EIF3L: variants seen among roughly 807,000 people sequenced by gnomAD.
EIF3L encodes eukaryotic translation initiation factor 3 subunit L.
A neutral mutation model predicts 74.6 loss-of-function variants in EIF3L; 32 were observed. That is an observed-to-expected ratio of 0.43 (90% CI 0.32 to 0.58). The LOEUF (loss-of-function observed/expected upper bound fraction) is 0.58, where lower values mean the gene tolerates loss of function less well. Ranked by LOEUF, EIF3L falls within the 20% of genes least tolerant of loss-of-function variation. The pLI is 0.06. For missense variants in EIF3L, 474 were observed against 707.8 expected, an observed-to-expected ratio of 0.67 and a Z score of 3.75; for synonymous variants, 256 against 254.4, an observed-to-expected ratio of 1.01 and a Z score of -0.06.
In EIF3L at chr22:37,880,288, A is replaced by AT. The variant is rs527518197; in HGVS notation, c.1575+2123dup. The AT allele has an allele frequency of 4.7e-5, 7 of 148,144 alleles. No homozygotes were observed. In the Admixed American group the frequency reaches 4.8e-4, roughly 10 times the overall value. 9.2% of individuals were successfully genotyped at this position (148,144 alleles called of 1,614,324 possible). ...CCACCACACCTGGCTAATTTTTTGT[A>AT]TTTTTTAGTAGAGACGGGGTTTCAC... On this transcript the variant is annotated intron_variant, in intron 11 of 12. Coordinates refer to ENST00000652021, the MANE Select transcript of EIF3L (RefSeq NM_016091.4).
intron 8 of EIF3L, 30 bp downstream of exon 8, chr22:37,870,377 T>C (rs1372932085): frequency 6.4e-7 from 1 of 1,556,096 alleles, no homozygotes; most frequent in South Asian, 1.2e-5. Flanking sequence ...AGCCGTGGCC[T>C]GCGAATTTCC....
At chr22:37,859,886 C>T (rs1601759643) in intron 5 of EIF3L, among the ~76,000 whole-genome samples, 1 of 152,014 alleles carries the variant, frequency 6.6e-6, no homozygotes, top group African/African-American at 2.4e-5. Flanking sequence ...GTGGCGGGTG[C>T]CTGTAATCCC....
chr22:37,871,160 CGGTT>C (rs1394466611), intron 8 of EIF3L: 6 of 151,756 alleles, frequency 4.0e-5, no homozygotes, highest in African/African-American at 1.2e-4. Context: ...TGGCTTCACA[CGGTT>C]ATAGGAAGTT....
chr22:37,862,917 A>C, intron 5 of EIF3L, 52 bp from the exon 6 acceptor site: 1 of 1,403,590 alleles, frequency 7.1e-7, no homozygotes, highest in Non-Finnish European at 1.0e-6. Flanking sequence ...CCATGGGTAA[A>C]ACACATTAAA....
intron 11 of EIF3L, chr22:37,881,398 T>C (rs912195097): frequency 1.3e-5 from 2 of 151,874 alleles, no homozygotes; most frequent in African/African-American, 4.8e-5. Flanking sequence ...GCTGATGAGG[T>C]TTTTAAAAGA....
chr22:37,878,113 T>A lies in EIF3L; in HGVS notation c.1517T>A (p.Ile506Asn), dbSNP rs1419760525. 6.2e-7 allele frequency: 1 copy of A among 1,614,128 alleles called. No homozygotes were observed. Among genetic ancestry groups the A allele is most frequent in the Non-Finnish European group, 8.5e-7 (1 of 1,180,006 alleles). ...AAGAACCTCGTGTGGACCAGCGGTA[T>A]CTCAGCCCTGGATGGTGAATTTCAG... The part of the protein sequence containing the change: ...KMKNLVWTSG[I>N]SALDGEFQSA... The change falls in exon 11 of 13, where the codon ATC becomes AAC. Residue 506 changes from isoleucine (I) to asparagine (N), a missense_variant. Ile to Asn is a moderately radical substitution (Grantham distance 149). Transcript: ENST00000652021.
rs1927337881 is a variant in EIF3L at position 37,886,680 on chromosome 22, A to T, written c.1576-85A>T. On this transcript the variant is annotated intron_variant, in intron 11 of 12. Transcript: ENST00000652021. ...ACATCTAACACTCACCATCATTATC[A>T]CTTGCAAGTCCATGGTGGCTCCTGG... The T allele has an allele frequency of 5.3e-6, 6 of 1,126,010 alleles. No homozygotes were observed. In the East Asian group the frequency reaches 1.5e-4, roughly 28 times the overall value. 69.8% of individuals were successfully genotyped at this position (1,126,010 alleles called of 1,614,324 possible). A position where few individuals can be genotyped will look rare whatever the true frequency, so the allele number is the denominator to read the frequency against.
intron 5 of EIF3L, among the ~76,000 whole-genome samples, 186 bp downstream of exon 5, chr22:37,858,926 G>A (rs978963584): frequency 6.6e-6 from 1 of 151,852 alleles, no homozygotes; most frequent in African/African-American, 2.4e-5. Context: ...ACACACTAAC[G>A]CTATATAACC....
intron 5 of EIF3L, among the ~76,000 whole-genome samples, chr22:37,862,608 G>A (rs1363378878): frequency 2.0e-5 from 3 of 152,164 alleles, no homozygotes; most frequent in Admixed American, 6.5e-5. Context: ...GTGATGCCCG[G>A]TGCAGCATTA....
chr22:37,864,954 C>T (rs745376045), intron 7 of EIF3L, among the ~76,000 whole-genome samples: 18 of 152,180 alleles, frequency 1.2e-4, no homozygotes, highest in Non-Finnish European at 2.1e-4. Flanking sequence ...TGAGATACTA[C>T]GTATAGAGTG....
chr22:37,853,536 G>A (rs1293847116), intron 3 of EIF3L, among the ~76,000 whole-genome samples: 2 of 152,234 alleles, frequency 1.3e-5, no homozygotes, highest in Admixed American at 1.3e-4. Flanking sequence ...TTGGGAGGCT[G>A]AGGTGGGAGG....
rs1159902739 is a variant in EIF3L at position 37,862,961 on chromosome 22, CT to C, written c.436-5del. 3 of 1,603,642 alleles carry C rather than the reference CT, an allele frequency of 1.9e-6. No individual in the cohort carries two copies. The highest frequency in any genetic ancestry group is 2.7e-5 in the African/African-American group (2 of 74,336). On this transcript the variant is annotated splice_polypyrimidine_tract_variant and splice_region_variant and intron_variant, in intron 5 of 12. Coordinates refer to ENST00000652021, the MANE Select transcript of EIF3L (RefSeq NM_016091.4). Reference sequence around the variant, plus strand: ...TCTGTATCTTGATATCTCTTGTTTTCTTTACAGGGGGGACCTTCCTTGGAGC... The same window carrying C: ...TCTGTATCTTGATATCTCTTGTTTTCTTACAGGGGGGACCTTCCTTGGAGC...
rs1437551077 is a variant in EIF3L, at chr22:37,859,370, G to GTTTTTTTT, written c.435+633_435+634insTTTTTTTT. On this transcript the variant is annotated intron_variant, in intron 5 of 12. Coordinates refer to ENST00000652021, the MANE Select transcript of EIF3L (RefSeq NM_016091.4). ...ACTTCTAAATTATAGAGTACGTGAA[G>GTTTTTTTT]TTTCTTTTTTTTTTTTTTTTTTTTT... Among the ~76,000 whole-genome samples, 19 of 72,758 alleles carry GTTTTTTTT rather than the reference G, an allele frequency of 2.6e-4. 1 individual carries two copies. Among genetic ancestry groups the GTTTTTTTT allele is most frequent in the African/African-American group, 7.1e-4 (9 of 12,750 alleles). The allele number at this position is 72,758 out of a possible 152,430, so 47.7% of individuals were successfully genotyped here. A position where few individuals can be genotyped will look rare whatever the true frequency, so the allele number is the denominator to read the frequency against.
rs142746088 is a variant in EIF3L at position 37,866,454 on chromosome 22, T to C, written c.579+3109T>C. 6.9e-3 allele frequency among the ~76,000 whole-genome samples: 1,046 copies of C among 152,326 alleles called. 4 individuals carry two copies. The highest frequency in any genetic ancestry group is 0.017 in the Middle Eastern group (5 of 294). On this transcript the variant is annotated intron_variant, in intron 7 of 12. Transcript: ENST00000652021. ...TGTGGATTGAACGATACTTGCTTTT[T>C]AAGTTTTTTTAAATCAGCTTACTGA...
rs1279132250 is a variant in EIF3L at position 37,855,573 on chromosome 22, A to G, written c.302A>G (p.Lys101Arg). Residue 101 changes from lysine to arginine, a missense_variant, in exon 4 of 13, where the codon AAG becomes AGG. Lys to Arg is a conservative substitution (Grantham distance 26). Transcript: ENST00000652021. The stretch of plus-strand genomic sequence containing the variant: ...TTTTTCTTGATTTTTAGCTGGACCA[A>G]GCTGACTGAAAGATTCTTCAAGAAT... ...IQDIYENSWTKLTERFFKNTP... is the reference protein window; with the variant it reads ...IQDIYENSWTRLTERFFKNTP... 6.2e-7 allele frequency: 1 copy of G among 1,614,164 alleles called. No homozygotes were observed. The highest frequency in any genetic ancestry group is 8.5e-7 in the Non-Finnish European group (1 of 1,179,996).
intron 12 of EIF3L, chr22:37,888,209 G>A: frequency 1.9e-6 from 1 of 535,608 alleles, no homozygotes; most frequent in Non-Finnish European, 3.3e-6. Flanking sequence ...GTATGGGTTT[G>A]TTGAGTGTGA....
At chr22:37,855,470 TC>T (rs1317686405) in intron 3 of EIF3L, 94 bp from the exon 4 acceptor site, 9 of 1,112,028 alleles carry the variant, frequency 8.1e-6, no homozygotes, top group Middle Eastern at 2.0e-4. Flanking sequence ...TTTGACATCT[TC>T]CCCTTTCTAA....
At chr22:37,865,265 A>C (rs1601765574) in intron 7 of EIF3L, among the ~76,000 whole-genome samples, 1 of 151,830 alleles carries the variant, frequency 6.6e-6, no homozygotes, top group Non-Finnish European at 1.5e-5. Context: ...GGAGATGGAG[A>C]CCATCCTGGC....
intron 7 of EIF3L, among the ~76,000 whole-genome samples, chr22:37,865,881 T>C (rs1926123159): frequency 1.3e-5 from 2 of 152,202 alleles, no homozygotes; most frequent in South Asian, 4.1e-4. Context: ...AAGATAATCA[T>C]AATTCCCTGG....
Sources: allele counts gnomAD v4.1 joint callset (sites outside exome capture counted in the v4.1 genomes callset), GRCh38; gene constraint gnomAD v4.1.1; transcripts MANE v1.5; gene names NCBI Gene and HGNC (gene_info 2026-07-23, HGNC 2026-07-21).